Variants in RORB observed in about 807,000 individuals in gnomAD.
RORB encodes nuclear receptor ROR-beta.
Under a neutral mutation model 59.1 loss-of-function variants are expected in RORB, and 6 were observed. That is an observed-to-expected ratio of 0.10 (90% CI 0.06 to 0.20). The LOEUF is 0.20. Among genes scored for constraint, RORB ranks in the 10% least tolerant of loss-of-function variants. The pLI, the probability that RORB is intolerant of heterozygous loss-of-function variation, is 1.00. For synonymous variants in RORB, 215 were observed against 204.5 expected (o/e 1.05, Z -0.44); for missense variants, 320 against 560.5 (o/e 0.57, Z 4.33).
intron 1 of RORB, among the ~76,000 whole-genome samples, chr9:74,608,601 C>G (rs1461324662): frequency 6.7e-6 from 1 of 149,942 alleles, no homozygotes; most frequent in Non-Finnish European, 1.5e-5. Context: ...CCTTTGTTTT[C>G]TATTCTGTTA....
chr9:74,635,858 AG>A (rs1201596592), intron 3 of RORB, among the ~76,000 whole-genome samples: 4 of 151,888 alleles, frequency 2.6e-5, no homozygotes, highest in African/African-American at 9.7e-5. Context: ...TTTAGTATAA[AG>A]GGATTTTGTG....
chr9:74,505,450 G>A (rs776065005), intron 1 of RORB, among the ~76,000 whole-genome samples: 1 of 152,032 alleles, frequency 6.6e-6, no homozygotes, highest in East Asian at 1.9e-4. Context: ...AAATGTACAT[G>A]ACTCACATAT....
chr9:74,684,576 C>G (rs1824605186), intron 9 of RORB, among the ~76,000 whole-genome samples: 1 of 151,196 alleles, frequency 6.6e-6, no homozygotes, highest in East Asian at 2.2e-4. Flanking sequence ...CTCCTAAGAC[C>G]CATACGGCAT....
chr9:74,640,033 C>G (rs1240090027), intron 3 of RORB, among the ~76,000 whole-genome samples: 1 of 152,138 alleles, frequency 6.6e-6, no homozygotes, highest in Non-Finnish European at 1.5e-5. Flanking sequence ...AAGGTAGTGT[C>G]TCTACAAACA....
At chr9:74,512,107 G>A (rs570596024) in intron 1 of RORB, among the ~76,000 whole-genome samples, 2 of 151,962 alleles carry the variant, frequency 1.3e-5, no homozygotes, top group Non-Finnish European at 2.9e-5. Flanking sequence ...GTCTCTAAAG[G>A]CTCCTAATTG....
At chr9:74,579,246 A>G (rs1049622456) in intron 1 of RORB, among the ~76,000 whole-genome samples, 2 of 152,152 alleles carry the variant, frequency 1.3e-5, no homozygotes, top group African/African-American at 4.8e-5. Flanking sequence ...CTAAATAGAT[A>G]TTAAGTGCTG....
intron 1 of RORB, among the ~76,000 whole-genome samples, chr9:74,549,597 GAA>G (rs1563934563): frequency 1.4e-4 from 9 of 64,678 alleles, no homozygotes; most frequent in African/African-American, 7.0e-4. Flanking sequence ...AGGAAGGAAG[GAA>G]GGAAGGAAGA....
chr9:74,641,372 G>C (rs1471443785), intron 3 of RORB, among the ~76,000 whole-genome samples: 2 of 152,184 alleles, frequency 1.3e-5, no homozygotes, highest in Admixed American at 1.3e-4. Context: ...TTTTTCCTCA[G>C]ACTGCTGAGA....
chr9:74,563,977 G>C (rs1007694228), intron 1 of RORB, among the ~76,000 whole-genome samples: 11 of 152,244 alleles, frequency 7.2e-5, no homozygotes, highest in Non-Finnish European at 1.3e-4. Context: ...ACAATGGCAA[G>C]AGAATGCAGC....
At chr9:74,531,044 T>C (rs1826229435) in intron 1 of RORB, among the ~76,000 whole-genome samples, 1 of 152,008 alleles carries the variant, frequency 6.6e-6, no homozygotes, top group South Asian at 2.1e-4. Context: ...GATTATTATA[T>C]TGTTAATGAT....
intron 1 of RORB, among the ~76,000 whole-genome samples, chr9:74,532,766 G>T (rs527264572): frequency 6.9e-6 from 1 of 143,952 alleles, no homozygotes; most frequent in Non-Finnish European, 1.5e-5. Context: ...ATATACACAC[G>T]TGTATGTGTA....
At chr9:74,628,959 T>C (rs1333636593) in intron 1 of RORB, among the ~76,000 whole-genome samples, 2 of 152,006 alleles carry the variant, frequency 1.3e-5, no homozygotes, top group Non-Finnish European at 2.9e-5. Context: ...ACATAGAAAA[T>C]AGAAATCCCA....
chr9:74,535,545 C>CA (rs1826310227), intron 1 of RORB, among the ~76,000 whole-genome samples: 1 of 151,876 alleles, frequency 6.6e-6, no homozygotes, highest in Non-Finnish European at 1.5e-5. Context: ...ACCGCCCCCC[C>CA]ACCCACACAC....
chr9:74,598,666 C>A (rs1295552332), intron 1 of RORB, among the ~76,000 whole-genome samples: 1 of 152,096 alleles, frequency 6.6e-6, no homozygotes, highest in East Asian at 1.9e-4. Context: ...CATTTATTAA[C>A]CGTATTCAGC....
intron 3 of RORB, among the ~76,000 whole-genome samples, chr9:74,638,585 A>G (rs1432152603): frequency 6.6e-6 from 1 of 152,238 alleles, no homozygotes; most frequent in Non-Finnish European, 1.5e-5. Context: ...AATATATGCC[A>G]GTCTGATTAA....
intron 1 of RORB, among the ~76,000 whole-genome samples, chr9:74,580,482 A>G (rs928686559): frequency 6.6e-6 from 1 of 152,162 alleles, no homozygotes; most frequent in Non-Finnish European, 1.5e-5. Context: ...ACCGTGTAAG[A>G]CCAAGACAAG....
chr9:74,656,406 A>T (rs569128217), intron 4 of RORB, among the ~76,000 whole-genome samples: 36 of 152,286 alleles, frequency 2.4e-4, no homozygotes, highest in African/African-American at 8.4e-4. Flanking sequence ...CACTAATGCC[A>T]TCTCATCTTT....
chr9:74,643,294 G>A (rs757146033), intron 4 of RORB, among the ~76,000 whole-genome samples: 1 of 152,156 alleles, frequency 6.6e-6, no homozygotes, highest in Non-Finnish European at 1.5e-5. Context: ...AAGTCAGGGC[G>A]ATAGACCAGA....
At chr9:74,550,252 T>C (rs1457626996) in intron 1 of RORB, among the ~76,000 whole-genome samples, 1 of 152,218 alleles carries the variant, frequency 6.6e-6, no homozygotes, top group African/African-American at 2.4e-5. Context: ...AAAATATAGA[T>C]TGTTTAAAGT....
Sources: gnomAD v4.1 joint callset for allele counts (sites outside exome capture counted in the v4.1 genomes callset) on GRCh38, gnomAD v4.1.1 for gene constraint, MANE v1.5 for transcripts, NCBI Gene and HGNC (gene_info 2026-07-23, HGNC 2026-07-21) for gene names.